RBMS3: variants seen among roughly 807,000 people sequenced by gnomAD.
RBMS3 encodes the protein RNA binding motif single stranded interacting protein 3.
Under a neutral mutation model 66.8 loss-of-function variants are expected in RBMS3, and 27 were observed. The ratio of observed to expected loss-of-function variants is 0.40; its 90% CI spans 0.30 to 0.56. RBMS3 has a LOEUF of 0.56. RBMS3 is among the 20% of genes least tolerant of loss of function. RBMS3 has a pLI of 0.40. For synonymous variants in RBMS3, 188 were observed against 183.0 expected, an observed-to-expected ratio of 1.03 and a Z score of -0.22; for missense variants, 513 against 549.5, an observed-to-expected ratio of 0.93 and a Z score of 0.66.
At chr3:29,644,916 T>A (rs1208218904) in intron 4 of RBMS3, among the ~76,000 whole-genome samples, 11 of 152,192 alleles carry the variant, frequency 7.2e-5, no homozygotes, top group Admixed American at 5.9e-4. Context: ...ATCTTTCATC[T>A]GAAAATATAA....
intron 1 of RBMS3, among the ~76,000 whole-genome samples, chr3:29,300,804 A>T (rs2033622659): frequency 6.6e-6 from 1 of 152,014 alleles, no homozygotes; most frequent in Non-Finnish European, 1.5e-5. Flanking sequence ...TTTTGATGCA[A>T]TTCGTAGAAG....
At chr3:29,310,348 G>A (rs1408158110) in intron 1 of RBMS3, among the ~76,000 whole-genome samples, 1 of 151,610 alleles carries the variant, frequency 6.6e-6, no homozygotes, top group Admixed American at 6.6e-5. Flanking sequence ...AGTCAAATTT[G>A]TCTTTCTAGT....
intron 12 of RBMS3, among the ~76,000 whole-genome samples, chr3:29,982,433 T>G (rs1307456964): frequency 1.3e-5 from 2 of 152,228 alleles, no homozygotes; most frequent in African/African-American, 4.8e-5. Context: ...TGCTCTCATC[T>G]TATTTATTTC....
At chr3:29,416,183 TAGAA>T (rs1559343400) in intron 1 of RBMS3, among the ~76,000 whole-genome samples, 1 of 150,216 alleles carries the variant, frequency 6.7e-6, no homozygotes, top group Non-Finnish European at 1.5e-5. Context: ...GACAGAGAGA[TAGAA>T]TTTTCAGAAC....
At position 29,989,609 on chromosome 3, in the gene RBMS3, G is replaced by C. The variant is rs188988935; in HGVS notation, c.1179+1386G>C. On this transcript the variant is annotated intron_variant, in intron 13 of 14. Coordinates refer to ENST00000383767, the MANE Select transcript of RBMS3 (RefSeq NM_001003793.3). Reference sequence around the variant, plus strand: ...AAAATGTTTCCTGGTTTTGGTGTGTGACAAATGTTTGTTCATACCAAGGTT... The same window carrying C: ...AAAATGTTTCCTGGTTTTGGTGTGTCACAAATGTTTGTTCATACCAAGGTT... Among the ~76,000 whole-genome samples, 8 of 152,296 alleles carry C rather than the reference G, an allele frequency of 5.3e-5. No individual in the cohort carries two copies. The East Asian group carries it at 1.5e-3, about 29-fold the overall frequency.
At chr3:29,684,157 A>G (rs1278924059) in intron 4 of RBMS3, among the ~76,000 whole-genome samples, 1 of 152,232 alleles carries the variant, frequency 6.6e-6, no homozygotes, top group Admixed American at 6.5e-5. Flanking sequence ...GATATAATTA[A>G]TAATACCCTA....
rs185898518 is a variant in RBMS3, at chr3:29,512,689, G to A, written c.307+24190G>A. ...TAACCCACACCAAACAAAAAGCGGC[G>A]GTGGTACAGCCATAATACTTCCTGT... On this transcript the variant is annotated intron_variant, in intron 3 of 14. Coordinates refer to ENST00000383767, the MANE Select transcript of RBMS3 (RefSeq NM_001003793.3). Among the ~76,000 whole-genome samples the A allele has an allele frequency of 1.8e-3, 280 of 152,240 alleles. 2 individuals carry two copies. The highest frequency in any genetic ancestry group is 6.3e-3 in the African/African-American group (261 of 41,534).
In RBMS3 at chr3:29,903,577, C is replaced by T. The variant is rs1048039944; in HGVS notation, c.939+3822C>T. ...CAGTTGAAATTGCTGTGTTCCAATA[C>T]ATTGGATATTTTGTTACATCTGTTA... On this transcript the variant is annotated intron_variant, in intron 10 of 14. Coordinates refer to ENST00000383767, the MANE Select transcript of RBMS3 (RefSeq NM_001003793.3). Among the ~76,000 whole-genome samples the T allele has an allele frequency of 3.9e-5, 6 of 151,952 alleles. No individual in the cohort carries two copies. In the South Asian group the frequency reaches 1.2e-3, roughly 32 times the overall value.
intron 4 of RBMS3, among the ~76,000 whole-genome samples, chr3:29,603,424 C>T (rs975325982): frequency 6.6e-6 from 1 of 151,936 alleles, no homozygotes; most frequent in Admixed American, 6.6e-5. Context: ...CTTATCTGTG[C>T]AATCTTTTAG....
At chr3:29,585,705 T>G (rs1193617900) in intron 3 of RBMS3, among the ~76,000 whole-genome samples, 2 of 152,140 alleles carry the variant, frequency 1.3e-5, no homozygotes, top group African/African-American at 4.8e-5. Context: ...ACTTTTTTTT[T>G]CTATCTTACT....
At chr3:29,365,566 G>A in intron 1 of RBMS3, among the ~76,000 whole-genome samples, 1 of 146,898 alleles carries the variant, frequency 6.8e-6, no homozygotes, top group Admixed American at 6.7e-5. Flanking sequence ...CAAAAAGACA[G>A]TATTCTTTGC....
At chr3:29,769,614 T>TG (rs575039185) in intron 6 of RBMS3, among the ~76,000 whole-genome samples, 143 of 113,410 alleles carry the variant, frequency 1.3e-3, no homozygotes, top group Non-Finnish European at 2.2e-3. Context: ...CAAAGAGGGT[T>TG]GTTTTTTTTC....
intron 1 of RBMS3, among the ~76,000 whole-genome samples, chr3:29,364,257 T>C (rs1014908553): frequency 1.3e-5 from 2 of 152,216 alleles, no homozygotes; most frequent in African/African-American, 4.8e-5. Context: ...TTTGTGAGTA[T>C]ATATTTATAA....
At chr3:29,986,039 A>C (rs1698368074) in intron 12 of RBMS3, among the ~76,000 whole-genome samples, 1 of 152,192 alleles carries the variant, frequency 6.6e-6, no homozygotes, top group African/African-American at 2.4e-5. Context: ...TCTTATGCAA[A>C]GGATACACAT....
chr3:29,947,611 C>T (rs1337748867), intron 12 of RBMS3, among the ~76,000 whole-genome samples: 1 of 151,368 alleles, frequency 6.6e-6, no homozygotes, highest in Non-Finnish European at 1.5e-5. Context: ...TGAAACTGCC[C>T]TCTACATTTT....
At chr3:29,993,591 C>T (rs1344969239) in intron 14 of RBMS3, among the ~76,000 whole-genome samples, 1 of 152,100 alleles carries the variant, frequency 6.6e-6, no homozygotes, top group Admixed American at 6.6e-5. Context: ...TAGTTGAACC[C>T]CTGAATAGAG....
chr3:29,926,087 A>G (rs1021869781), intron 10 of RBMS3, among the ~76,000 whole-genome samples: 3 of 152,110 alleles, frequency 2.0e-5, no homozygotes, highest in Admixed American at 6.5e-5. Flanking sequence ...ATGCTAATAT[A>G]TAAGTTTTAA....
At chr3:29,495,409 A>ATTTC (rs1219352038) in intron 3 of RBMS3, among the ~76,000 whole-genome samples, 74 of 134,118 alleles carry the variant, frequency 5.5e-4, no homozygotes, top group Middle Eastern at 8.4e-3. Flanking sequence ...GGAAATACAT[A>ATTTC]TTTCTTTCTT....
Position 29,671,420 on chromosome 3 carries a change from C to T in RBMS3, c.400-68300C>T, listed in dbSNP as rs148219832. On this transcript the variant is annotated intron_variant, in intron 4 of 14. Coordinates refer to ENST00000383767, the MANE Select transcript of RBMS3 (RefSeq NM_001003793.3). ...TCGCTAGCAATAGAACAAAGCTGGA[C>T]GGAGAATGACTTTGACAAGTTGACA... is the stretch of plus-strand genomic sequence containing the variant. Among the ~76,000 whole-genome samples, 77 of 152,200 alleles carry T rather than the reference C, an allele frequency of 5.1e-4. 1 individual carries two copies. In the East Asian group the frequency reaches 0.012, roughly 24 times the overall value.
Sources: allele counts gnomAD v4.1 joint callset (sites outside exome capture counted in the v4.1 genomes callset), GRCh38; gene constraint gnomAD v4.1.1; transcripts MANE v1.5; gene names NCBI Gene and HGNC (gene_info 2026-07-23, HGNC 2026-07-21).